SEPTIN9: variants seen among roughly 807,000 people sequenced by gnomAD.
SEPTIN9 encodes septin-9.
SEPTIN9 carries 13 observed loss-of-function variants against 56.6 expected under a neutral mutation model. The ratio of observed to expected loss-of-function variants is 0.23; its 90% CI spans 0.15 to 0.37. The LOEUF (loss-of-function observed/expected upper bound fraction) is 0.37, where lower values mean the gene tolerates loss of function less well. Ranked by LOEUF, SEPTIN9 falls within the 10% of genes least tolerant of loss-of-function variation. The probability of loss-of-function intolerance (pLI) is 1.00; values close to 1 mark genes in which losing one functional copy is unlikely to be tolerated. For synonymous variants in SEPTIN9, 332 were observed against 334.1 expected (o/e 0.99, Z 0.07); for missense variants, 650 against 823.1 (o/e 0.79, Z 2.57).
In SEPTIN9 at chr17:77,498,532, G is replaced by C. The variant is rs994597830; in HGVS notation, c.1635G>C (p.Met545Ile). The part of the protein sequence containing the change: ...YLRDLLIRTH[M>I]QNIKDITSSI... Reference sequence around the variant, plus strand: ...CCCCCCACCCCCACAGGACGCACATGCAGAACATCAAGGACATCACCAGCA... The same window carrying C: ...CCCCCCACCCCCACAGGACGCACATCCAGAACATCAAGGACATCACCAGCA... The change falls in exon 12 of 12, where the codon ATG becomes ATC. Residue 545 changes from methionine (M) to isoleucine (I), a missense_variant. Physicochemically the swap from Met to Ile is conservative, Grantham distance 10. This residue lies in a region of SEPTIN9 where 333 missense variants were observed against 494.0 expected (regional missense o/e 0.67). Transcript: ENST00000427177. 2 of 1,513,034 alleles carry C rather than the reference G, an allele frequency of 1.3e-6. No homozygotes were observed. Among genetic ancestry groups the C allele is most frequent in the African/African-American group, 3.1e-5 (2 of 64,950 alleles). 93.7% of individuals were successfully genotyped at this position (1,513,034 alleles called of 1,614,324 possible).
intron 1 of SEPTIN9, among the ~76,000 whole-genome samples, chr17:77,292,988 GCATT>G (rs72438299): frequency 0.24 from 35,372 of 147,624 alleles, 4,851 homozygotes; most frequent in Middle Eastern, 0.35. Context: ...AACCGCTTGA[GCATT>G]TATTTATTTA....
chr17:77,346,278 C>CTTTTTTTTTTTT lies in SEPTIN9; in HGVS notation c.76+39099_76+39110dup, dbSNP rs577131369. Among the ~76,000 whole-genome samples, 91 of 46,306 alleles carry CTTTTTTTTTTTT rather than the reference C, an allele frequency of 2.0e-3. 2 individuals are homozygous for CTTTTTTTTTTTT. The highest frequency in any genetic ancestry group is 2.6e-3 in the East Asian group (3 of 1,144). 30.4% of individuals were successfully genotyped at this position (46,306 alleles called of 152,430 possible). A position where few individuals can be genotyped will look rare whatever the true frequency, so the allele number is the denominator to read the frequency against. On this transcript the variant is annotated intron_variant, in intron 2 of 11. Coordinates refer to ENST00000427177, the MANE Select transcript of SEPTIN9 (RefSeq NM_001113491.2). The stretch of plus-strand genomic sequence containing the variant: ...AGATTCTTAAAGCAGATCCTTAGGT[C>CTTTTTTTTTTTT]TTTTTTTTTTTTTTTTTTTTTTTTT...
chr17:77,331,202 A>AAT (rs2033334811), intron 2 of SEPTIN9, among the ~76,000 whole-genome samples: 1 of 152,136 alleles, frequency 6.6e-6, no homozygotes, highest in African/African-American at 2.4e-5. Flanking sequence ...AAAAAATAAA[A>AAT]AATAATAATA....
At chr17:77,354,949 G>A (rs1049315688) in intron 2 of SEPTIN9, among the ~76,000 whole-genome samples, 3 of 151,840 alleles carry the variant, frequency 2.0e-5, no homozygotes, top group African/African-American at 7.3e-5. Context: ...TCACTTGCCC[G>A]GGCTCCCCCA....
In SEPTIN9 at chr17:77,445,655, T is replaced by C. The variant is rs1167449709; in HGVS notation, c.722-36489T>C. On this transcript the variant is annotated intron_variant, in intron 3 of 11. Coordinates refer to ENST00000427177, the MANE Select transcript of SEPTIN9 (RefSeq NM_001113491.2). The surrounding 1 kb of genome is among the most constrained non-coding windows in gnomAD (Gnocchi z 4.7). ...GTGTCACCACACTTCCTAGCAGGTGTCAACCTCCAAGACTGTTCTGGGCTC... is the reference window on the plus strand; with the variant it reads ...GTGTCACCACACTTCCTAGCAGGTGCCAACCTCCAAGACTGTTCTGGGCTC... 2.8e-6 allele frequency: 1 copy of C among 360,204 alleles called. No homozygotes were observed. Among genetic ancestry groups the C allele is most frequent in the African/African-American group, 2.2e-5 (1 of 46,504 alleles). 22.3% of individuals were successfully genotyped at this position (360,204 alleles called of 1,614,324 possible).
At position 77,475,825 on chromosome 17, in the gene SEPTIN9, A is replaced by C. The variant is rs757796457; in HGVS notation, c.722-6319A>C. On this transcript the variant is annotated intron_variant, in intron 3 of 11. Transcript: ENST00000427177. The surrounding 1 kb of genome is among the most constrained non-coding windows in gnomAD (Gnocchi z 4.6). ...CCGGCTCCCCTGCCGTGGCCTGGTC[A>C]GTGGCTTCACAGGCCTCCGTGGGCA... The C allele has an allele frequency of 1.9e-5, 31 of 1,613,530 alleles. No homozygotes were observed. In the African/African-American group the frequency reaches 3.9e-4, roughly 20 times the overall value.
In SEPTIN9 at chr17:77,498,508, C is replaced by T; in HGVS notation, c.1626-15C>T. On this transcript the variant is annotated splice_polypyrimidine_tract_variant and intron_variant, in intron 11 of 11. Transcript: ENST00000427177. ...GCGCCCACCTCACTGACCCGCCCGC[C>T]CCCCACCCCCACAGGACGCACATGC... The T allele has an allele frequency of 4.3e-6, 2 of 460,056 alleles. No homozygotes were observed. The highest frequency in any genetic ancestry group is 4.3e-6 in the Non-Finnish European group (1 of 230,310). 28.5% of individuals were successfully genotyped at this position (460,056 alleles called of 1,614,324 possible). A position where few individuals can be genotyped will look rare whatever the true frequency, so the allele number is the denominator to read the frequency against.
intron 3 of SEPTIN9, chr17:77,444,690 A>G: frequency 5.3e-6 from 1 of 187,806 alleles, no homozygotes; most frequent in South Asian, 8.6e-5. Context: ...GGGGAGAAGA[A>G]CCAGCTGGTG....
chr17:77,355,978 T>G (rs2034221817), intron 2 of SEPTIN9, among the ~76,000 whole-genome samples: 1 of 42,384 alleles, frequency 2.4e-5, no homozygotes, highest in Admixed American at 2.5e-4. Flanking sequence ...CGAGACTCCG[T>G]CTCAAAAAAA....
rs115167134 is a variant in SEPTIN9 at position 77,428,015 on chromosome 17, G to A, written c.721+25312G>A. Reference sequence around the variant, plus strand: ...GTCATCAGTGCCATCCTTGCACCACGTAACTAGCCTTTGCAGCATGCCAGC... The same window carrying A: ...GTCATCAGTGCCATCCTTGCACCACATAACTAGCCTTTGCAGCATGCCAGC... On this transcript the variant is annotated intron_variant, in intron 3 of 11. Coordinates refer to ENST00000427177, the MANE Select transcript of SEPTIN9 (RefSeq NM_001113491.2). 9.2e-3 allele frequency among the ~76,000 whole-genome samples: 1,396 copies of A among 152,294 alleles called. 29 individuals are homozygous for A. The highest frequency in any genetic ancestry group is 0.031 in the African/African-American group (1,285 of 41,550).
At chr17:77,373,068 C>G (rs2034773417) in intron 2 of SEPTIN9, 1 of 493,540 alleles carries the variant, frequency 2.0e-6, no homozygotes, top group Non-Finnish European at 2.7e-6. Flanking sequence ...AGCGGGGCGC[C>G]CGGGGGGAGG....
intron 2 of SEPTIN9, among the ~76,000 whole-genome samples, chr17:77,378,338 G>C (rs1315220274): frequency 6.6e-6 from 1 of 152,116 alleles, no homozygotes; most frequent in Non-Finnish European, 1.5e-5. Context: ...TGGAAAGCTG[G>C]GCGGCTTCGG....
chr17:77,440,350 TC>T (rs991964286), intron 3 of SEPTIN9, among the ~76,000 whole-genome samples: 9 of 152,268 alleles, frequency 5.9e-5, no homozygotes, highest in African/African-American at 2.2e-4. Flanking sequence ...AGATGGGGTT[TC>T]ACCAAGTTGG....
In SEPTIN9 at chr17:77,327,277, G is replaced by A. The variant is rs1350306958; in HGVS notation, c.76+20080G>A. 2.0e-5 allele frequency among the ~76,000 whole-genome samples: 3 copies of A among 152,078 alleles called. No homozygotes were observed. Among genetic ancestry groups the A allele is most frequent in the Admixed American group, 2.0e-4 (3 of 15,260 alleles). On this transcript the variant is annotated intron_variant, in intron 2 of 11. Coordinates refer to ENST00000427177, the MANE Select transcript of SEPTIN9 (RefSeq NM_001113491.2). The surrounding 1 kb of genome is among the most constrained non-coding windows in gnomAD (Gnocchi z 5.0). Reference sequence around the variant, plus strand: ...TTTACCCGGCCTGCTCCCACCAGGGGCTGAGGCCTCCTTGCTCACTCCAGC... The same window carrying A: ...TTTACCCGGCCTGCTCCCACCAGGGACTGAGGCCTCCTTGCTCACTCCAGC...
chr17:77,447,630 T>C (rs2037791355), intron 3 of SEPTIN9, among the ~76,000 whole-genome samples: 1 of 152,244 alleles, frequency 6.6e-6, no homozygotes, highest in African/African-American at 2.4e-5. Context: ...ATTTCTTTTT[T>C]TGTTTGTTTT....
intron 2 of SEPTIN9, among the ~76,000 whole-genome samples, chr17:77,355,280 G>A (rs1050053287): frequency 2.0e-5 from 3 of 152,158 alleles, no homozygotes; most frequent in Admixed American, 6.5e-5. Flanking sequence ...TGTCTGCGCC[G>A]CAGCAGGGGA....
intron 3 of SEPTIN9, chr17:77,454,492 C>G (rs566023152): frequency 1.8e-6 from 1 of 545,886 alleles, no homozygotes; most frequent in African/African-American, 2.1e-5. Context: ...TGGGAAGGCG[C>G]GGGTCTAATT....
At position 77,343,003 on chromosome 17, in the gene SEPTIN9, G is replaced by GTCTGTCTGTCTA. The variant is rs71160228; in HGVS notation, c.76+35809_76+35810insGTCTGTCTATCT. Among the ~76,000 whole-genome samples, 579 of 147,236 alleles carry GTCTGTCTGTCTA rather than the reference G, an allele frequency of 3.9e-3. 2 individuals are homozygous for GTCTGTCTGTCTA. The highest frequency in any genetic ancestry group is 0.012 in the South Asian group (54 of 4,532). ...AATCAATGTATCTGTCTGTCTGTCT[G>GTCTGTCTGTCTA]TCTATCTATCTATCTATCTATCTAT... On this transcript the variant is annotated intron_variant, in intron 2 of 11. Transcript: ENST00000427177.
chr17:77,312,957 A>G (rs1462051380), intron 2 of SEPTIN9, among the ~76,000 whole-genome samples: 1 of 152,248 alleles, frequency 6.6e-6, no homozygotes, highest in African/African-American at 2.4e-5. Context: ...CGGCAGATAC[A>G]GAACATTGAC....
Sources: allele counts gnomAD v4.1 joint callset (sites outside exome capture counted in the v4.1 genomes callset), GRCh38; gene constraint gnomAD v4.1.1; regional missense constraint gnomAD v4.1.1; non-coding constraint Gnocchi (gnomAD v3.1); transcripts MANE v1.5; gene names NCBI Gene and HGNC (gene_info 2026-07-23, HGNC 2026-07-21).